Variants in TRAP1 observed in about 807,000 individuals in gnomAD.
TRAP1 encodes the protein heat shock protein 75 kDa, mitochondrial.
In TRAP1, 102 loss-of-function variants were observed where a neutral mutation model predicts 89.1. The observed-to-expected ratio is 1.15, with a 90% CI of 0.98 to 1.35. The LOEUF is 1.35. TRAP1 is among the 40% of genes most tolerant of loss of function. The probability of loss-of-function intolerance (pLI) is 0.00; values close to 1 mark genes in which losing one functional copy is unlikely to be tolerated. For synonymous variants in TRAP1, 508 were observed against 388.0 expected (o/e 1.31, Z -3.64); for missense variants, 1,256 against 945.3 (o/e 1.33, Z -4.31).
intron 11 of TRAP1, among the ~76,000 whole-genome samples, chr16:3,667,159 G>T (rs758032939): frequency 1.3e-5 from 2 of 152,120 alleles, no homozygotes; most frequent in Non-Finnish European, 2.9e-5. Context: ...GAAGAGCCTG[G>T]TATGGGTGTC....
chr16:3,677,315 C>T (rs566491481), intron 6 of TRAP1, among the ~76,000 whole-genome samples, 183 bp downstream of exon 6: 3 of 152,270 alleles, frequency 2.0e-5, no homozygotes, highest in East Asian at 1.9e-4. Context: ...TGGGACCAGA[C>T]AGGTGCCATA....
chr16:3,658,419 C>T (rs1367352340), intron 17 of TRAP1, 189 bp from the exon 18 acceptor site: 17 of 610,372 alleles, frequency 2.8e-5, no homozygotes, highest in Non-Finnish European at 4.6e-5. Context: ...CACGCCTGGC[C>T]ATTTTTCCGT....
At chr16:3,675,668 G>A (rs998780547) in intron 7 of TRAP1, among the ~76,000 whole-genome samples, 1 of 152,202 alleles carries the variant, frequency 6.6e-6, no homozygotes, top group African/African-American at 2.4e-5. Context: ...ATGGCTTTCT[G>A]GGCTGACTCC....
At chr16:3,691,806 A>G (rs1006605874) in intron 1 of TRAP1, among the ~76,000 whole-genome samples, 4 of 152,166 alleles carry the variant, frequency 2.6e-5, no homozygotes, top group African/African-American at 9.7e-5. Flanking sequence ...TACTTTAAAA[A>G]CTGAAAAACA....
At position 3,663,642 on chromosome 16, in the gene TRAP1, G is replaced by A. The variant is rs1481055148; in HGVS notation, c.1570-80C>T. The A allele has an allele frequency of 2.7e-5, 43 of 1,578,942 alleles. No individual in the cohort carries two copies. In the East Asian group the frequency reaches 8.5e-4, roughly 31 times the overall value. Reference sequence around the variant, plus strand: ...GAAGAAAGGATGAGGGCGGCAGGAGGGCTGGGGGAGCCAAGCGGGCCACAC... The same window carrying A: ...GAAGAAAGGATGAGGGCGGCAGGAGAGCTGGGGGAGCCAAGCGGGCCACAC... On this transcript the variant is annotated intron_variant, in intron 13 of 17. Coordinates refer to ENST00000246957, the MANE Select transcript of TRAP1 (RefSeq NM_016292.3).
At chr16:3,674,924 T>C (rs1190521799) in intron 8 of TRAP1, 6 of 321,626 alleles carry the variant, frequency 1.9e-5, no homozygotes, top group Non-Finnish European at 2.9e-5. Context: ...GGCAGCACAA[T>C]GGACAGAAAG....
chr16:3,691,090 T>A, intron 1 of TRAP1, 105 bp from the exon 2 acceptor site: 1 of 1,119,084 alleles, frequency 8.9e-7, no homozygotes, highest in South Asian at 2.2e-5. Context: ...CGTGGACATC[T>A]CTAAGTCGGG....
Position 3,676,160 on chromosome 16 carries a change from G to A in TRAP1, c.705-15C>T. The A allele has an allele frequency of 6.2e-7, 1 of 1,610,262 alleles. No individual in the cohort carries two copies. Among genetic ancestry groups the A allele is most frequent in the South Asian group, 1.1e-5 (1 of 90,664 alleles). ...ACACTCCAGAACTAAGGCAGGCAAA[G>A]AAAGGAAAAGCCAGGTGGATGTGAC... is the stretch of plus-strand genomic sequence containing the variant. On this transcript the variant is annotated splice_polypyrimidine_tract_variant and intron_variant, in intron 6 of 17. Transcript: ENST00000246957.
In TRAP1 at chr16:3,679,732, C is replaced by A. The variant is rs1024198918; in HGVS notation, c.530G>T (p.Arg177Ile). 1.9e-6 allele frequency: 3 copies of A among 1,614,144 alleles called. No homozygotes were observed. Among genetic ancestry groups the A allele is most frequent in the Non-Finnish European group, 2.5e-6 (3 of 1,180,014 alleles). The change falls in exon 5 of 18, where the codon AGA (arginine) becomes ATA (isoleucine). Residue 177 changes from arginine to isoleucine, a missense_variant. Coordinates refer to ENST00000246957, the MANE Select transcript of TRAP1 (RefSeq NM_016292.3). Reference sequence around the variant, plus strand: ...CCCCACGCTTACCTTTGACCCCGATCTGGCAATCGTCCCCAGGTTGGACAC... The same window carrying A: ...CCCCACGCTTACCTTTGACCCCGATATGGCAATCGTCCCCAGGTTGGACAC... The part of the protein sequence containing the change: ...ELVSNLGTIA[R>I]SGSKAFLDAL...
chr16:3,662,812 G>T lies in TRAP1; in HGVS notation c.1794+70C>A, dbSNP rs553686366. ...GGACACCCAACGGGCCAGGTACTGG[G>T]AGCCACCAGCTGGCCAGCCTGTTAG... is the stretch of plus-strand genomic sequence containing the variant. On this transcript the variant is annotated intron_variant, in intron 15 of 17. Transcript: ENST00000246957. The T allele has an allele frequency of 1.7e-4, 251 of 1,493,366 alleles. 1 individual carries two copies. The African/African-American group carries it at 2.8e-3, about 17-fold the overall frequency. The allele number at this position is 1,493,366 out of a possible 1,614,324, so 92.5% of individuals were successfully genotyped here. A position where few individuals can be genotyped will look rare whatever the true frequency, so the allele number is the denominator to read the frequency against.
At chr16:3,715,294 C>A (rs1042513472) in intron 1 of TRAP1, among the ~76,000 whole-genome samples, 1 of 152,046 alleles carries the variant, frequency 6.6e-6, no homozygotes, top group Non-Finnish European at 1.5e-5. Context: ...AAAAATTAGC[C>A]AGGCATGGTG....
intron 1 of TRAP1, among the ~76,000 whole-genome samples, chr16:3,702,029 T>C (rs939224895): frequency 3.9e-5 from 6 of 152,022 alleles, no homozygotes; most frequent in Admixed American, 2.6e-4. Context: ...GCCAACATGG[T>C]GAACCCTGTC....
In TRAP1 at chr16:3,672,927, G is replaced by A. The variant is rs187638240; in HGVS notation, c.1045-107C>T. 6.2e-5 allele frequency: 89 copies of A among 1,432,598 alleles called. No homozygotes were observed. The African/African-American group carries it at 1.0e-3, about 16-fold the overall frequency. The allele number at this position is 1,432,598 out of a possible 1,614,324, so 88.7% of individuals were successfully genotyped here. Reference sequence around the variant, plus strand: ...TGAATCCAGAGCCCACTCCCGCCTCGCCCTCCCCCAGCGTCTGCTCTGAGT... The same window carrying A: ...TGAATCCAGAGCCCACTCCCGCCTCACCCTCCCCCAGCGTCTGCTCTGAGT... On this transcript the variant is annotated intron_variant, in intron 9 of 17. Transcript: ENST00000246957.
At chr16:3,710,788 T>G (rs2051517840) in intron 1 of TRAP1, among the ~76,000 whole-genome samples, 2 of 151,926 alleles carry the variant, frequency 1.3e-5, no homozygotes. Flanking sequence ...CATTGCTGAA[T>G]AGCCTCCTGC....
chr16:3,674,102 T>C (rs910224724), intron 9 of TRAP1, among the ~76,000 whole-genome samples: 2 of 152,168 alleles, frequency 1.3e-5, no homozygotes, highest in Admixed American at 6.5e-5. Context: ...TTCTTTTTTT[T>C]CAGAGATGGG....
intron 4 of TRAP1, among the ~76,000 whole-genome samples, chr16:3,680,442 G>A (rs141117199): frequency 6.6e-6 from 1 of 152,362 alleles, no homozygotes; most frequent in East Asian, 1.9e-4. Flanking sequence ...TGGTTCTGGG[G>A]AACAGTGATC....
chr16:3,675,339 C>T lies in TRAP1; in HGVS notation c.873G>A (p.Arg291=), dbSNP rs1459712074. The part of the protein sequence containing the change: ...VSFPLYLNGR[R]MNTLQAIWMM... The stretch of plus-strand genomic sequence containing the variant: ...CAGGGCTCACCTGCAAGGTGTTCAT[C>T]CGCCTTCCATTCAAGTACAAGGGGA... Residue 291 remains arginine, a synonymous_variant, in exon 8 of 18, where the codon CGG becomes CGA. Transcript: ENST00000246957. The T allele has an allele frequency of 1.2e-6, 2 of 1,613,962 alleles. No homozygotes were observed. Among genetic ancestry groups the T allele is most frequent in the African/African-American group, 2.7e-5 (2 of 74,910 alleles).
At chr16:3,700,933 A>T (rs1318760293) in intron 1 of TRAP1, among the ~76,000 whole-genome samples, 1 of 152,254 alleles carries the variant, frequency 6.6e-6, no homozygotes, top group Non-Finnish European at 1.5e-5. Flanking sequence ...GGCAAATAAT[A>T]AAATGGTAGC....
chr16:3,707,089 G>C (rs977102213), intron 1 of TRAP1, among the ~76,000 whole-genome samples: 2 of 151,688 alleles, frequency 1.3e-5, no homozygotes, highest in Non-Finnish European at 2.9e-5. Flanking sequence ...AGCCACCCTA[G>C]TGAGTAGGAA....
Sources: gnomAD v4.1 joint callset for allele counts (sites outside exome capture counted in the v4.1 genomes callset) on GRCh38, gnomAD v4.1.1 for gene constraint, MANE v1.5 for transcripts, NCBI Gene and HGNC (gene_info 2026-07-23, HGNC 2026-07-21) for gene names.